NT5DC3: variants seen among roughly 807,000 people sequenced by gnomAD.
NT5DC3 encodes the protein 5'-nucleotidase domain-containing protein 3.
NT5DC3 carries 42 observed loss-of-function variants against 67.8 expected under a neutral mutation model. The ratio of observed to expected loss-of-function variants is 0.62; its 90% CI spans 0.48 to 0.80. The LOEUF (loss-of-function observed/expected upper bound fraction) is 0.80. NT5DC3 is among the 30% of genes least tolerant of loss of function. The probability of loss-of-function intolerance (pLI) is 0.00; values close to 1 mark genes in which losing one functional copy is unlikely to be tolerated. For synonymous variants in NT5DC3, 237 were observed against 255.6 expected, an observed-to-expected ratio of 0.93 and a Z score of 0.69; for missense variants, 570 against 696.4, an observed-to-expected ratio of 0.82 and a Z score of 2.04.
intron 1 of NT5DC3, among the ~76,000 whole-genome samples, chr12:103,830,131 T>C (rs1278660490): frequency 6.6e-6 from 1 of 152,228 alleles, no homozygotes; most frequent in Non-Finnish European, 1.5e-5. Flanking sequence ...ATACATTTAC[T>C]CATTTAAACC....
chr12:103,806,867 A>T lies in NT5DC3; in HGVS notation c.456T>A (p.Tyr152Ter). The change falls in exon 3 of 14, where the codon TAT (tyrosine) becomes TAA (stop). Residue 152 changes from tyrosine to a stop codon, truncating the protein, a stop_gained. Transcript: ENST00000392876. LOFTEE classifies it high-confidence loss of function. The part of the protein sequence containing the change: ...DPNFAIRGLH[Y>*]DVQRAVLMKI... ...GAAGTAAACCTACCCGCTGTACATC[A>T]TAATGAAGTCCACGAATTGCAAAAT... The T allele has an allele frequency of 1.3e-6, 2 of 1,598,584 alleles. No homozygotes were observed. Among genetic ancestry groups the T allele is most frequent in the South Asian group, 1.1e-5 (1 of 90,722 alleles).
downstream of NT5DC3, chr12:103,766,295 G>A (rs1566090314): frequency 6.2e-7 from 1 of 1,614,138 alleles, no homozygotes; most frequent in South Asian, 1.1e-5. Context: ...GGACTCTGAA[G>A]AACGGCAGCT....
the NT5DC3 span, chr12:103,758,076 T>C: frequency 6.4e-7 from 1 of 1,562,446 alleles, no homozygotes; most frequent in South Asian, 1.2e-5. Flanking sequence ...ACCATGAATA[T>C]TCACAGATGG....
intron 12 of NT5DC3, among the ~76,000 whole-genome samples, chr12:103,785,008 C>G (rs1017941094): frequency 1.3e-5 from 2 of 152,120 alleles, no homozygotes; most frequent in Non-Finnish European, 2.9e-5. Flanking sequence ...AGAAGTCCCA[C>G]CGTAGCAGGT....
intron 1 of NT5DC3, among the ~76,000 whole-genome samples, chr12:103,827,018 C>T (rs1159973278): frequency 1.3e-5 from 2 of 152,166 alleles, no homozygotes; most frequent in African/African-American, 4.8e-5. Flanking sequence ...CCAAGGTAGG[C>T]GGATCACCTG....
At chr12:103,757,028 TA>T in the NT5DC3 span, among the ~76,000 whole-genome samples, 1 of 143,508 alleles carries the variant, frequency 7.0e-6, no homozygotes, top group Non-Finnish European at 1.5e-5. Flanking sequence ...TATATATATA[TA>T]TAAAATATAT....
At chr12:103,770,022 G>A (rs1433579357), downstream of NT5DC3, among the ~76,000 whole-genome samples, 3 of 152,200 alleles carry the variant, frequency 2.0e-5, no homozygotes, top group African/African-American at 2.4e-5. Context: ...GTGCAGCCAC[G>A]AGGCAGTTTC....
rs776355377 is a variant in NT5DC3 at position 103,814,987 on chromosome 12, G to A, written c.343C>T (p.His115Tyr). The A allele has an allele frequency of 1.2e-6, 2 of 1,613,590 alleles. No homozygotes were observed. Among genetic ancestry groups the A allele is most frequent in the Non-Finnish European group, 1.7e-6 (2 of 1,179,714 alleles). ...CGTGCAGCATTAAATATCAGCGTGT[G>A]GAGGTGCTTTGAATAAAACACCAAG... ...YTLVFYSKHL[H>Y]TLIFNAARDL... The change falls in exon 2 of 14, where the codon CAC becomes TAC. Residue 115 changes from histidine to tyrosine, a missense_variant. By Grantham distance (83) the His-to-Tyr change is moderately conservative. This residue lies in a region of NT5DC3 where 466 missense variants were observed against 608.0 expected (regional missense o/e 0.77). Coordinates refer to ENST00000392876, the MANE Select transcript of NT5DC3 (RefSeq NM_001031701.3).
chr12:103,799,863 C>T (rs1040849768), intron 4 of NT5DC3, among the ~76,000 whole-genome samples: 3 of 151,684 alleles, frequency 2.0e-5, no homozygotes, highest in Non-Finnish European at 4.4e-5. Context: ...CTTCTGCCAC[C>T]AGTGACTACA....
chr12:103,748,846 C>G, the NT5DC3 span: 1 of 1,074,774 alleles, frequency 9.3e-7, no homozygotes, highest in Non-Finnish European at 1.3e-6. Flanking sequence ...AGCACGAACA[C>G]GCAGGGGCCC....
intron 4 of NT5DC3, among the ~76,000 whole-genome samples, chr12:103,801,825 TA>T (rs1260671757): frequency 6.6e-6 from 1 of 152,200 alleles, no homozygotes; most frequent in Non-Finnish European, 1.5e-5. Context: ...CTCAGTGGAC[TA>T]AACCCCGTGA....
downstream of NT5DC3, chr12:103,766,473 TG>T (rs1053125712): frequency 4.9e-6 from 5 of 1,013,288 alleles, no homozygotes; most frequent in Non-Finnish European, 7.1e-6. Flanking sequence ...CTGGCTGATC[TG>T]GGGGTTGTTT....
At chr12:103,778,181 AAT>A in intron 13 of NT5DC3, 100 bp from the exon 14 acceptor site, 1 of 1,279,262 alleles carries the variant, frequency 7.8e-7, no homozygotes, top group Non-Finnish European at 1.1e-6. Context: ...AAAAAAAAAA[AAT>A]AGGACTCATT....
At chr12:103,826,991 C>T (rs1887723643) in intron 1 of NT5DC3, among the ~76,000 whole-genome samples, 1 of 152,182 alleles carries the variant, frequency 6.6e-6, no homozygotes, top group African/African-American at 2.4e-5. Context: ...TGCCTGTAAT[C>T]CCAGCACTTT....
At chr12:103,766,526 TTCC>T, downstream of NT5DC3, 1 of 611,898 alleles carries the variant, frequency 1.6e-6, no homozygotes, top group East Asian at 2.9e-5. Flanking sequence ...CCAGTACAGC[TTCC>T]TCCTCTGACC....
downstream of NT5DC3, among the ~76,000 whole-genome samples, chr12:103,768,634 T>TGA (rs58287606): frequency 4.0e-3 from 99 of 24,894 alleles, no homozygotes; most frequent in East Asian, 9.0e-3. Flanking sequence ...GGAGAGGGAG[T>TGA]GAGAGAGAGA....
intron 1 of NT5DC3, among the ~76,000 whole-genome samples, chr12:103,825,079 C>A (rs573579966): frequency 2.0e-5 from 3 of 152,260 alleles, no homozygotes; most frequent in African/African-American, 7.2e-5. Flanking sequence ...GGGCATGCCC[C>A]CCCGGGAAGA....
chr12:103,799,309 T>C (rs1371718527), intron 4 of NT5DC3, among the ~76,000 whole-genome samples: 1 of 152,218 alleles, frequency 6.6e-6, no homozygotes, highest in East Asian at 1.9e-4. Flanking sequence ...CATCTTGAAT[T>C]GTAGCTCCTA....
the NT5DC3 span, chr12:103,758,208 T>C: frequency 1.9e-6 from 3 of 1,614,122 alleles, no homozygotes; most frequent in Non-Finnish European, 8.5e-7. Flanking sequence ...CTCGAGGCCG[T>C]GCATTTCTAG....
Sources: gnomAD v4.1 joint callset for allele counts (sites outside exome capture counted in the v4.1 genomes callset) on GRCh38, gnomAD v4.1.1 for gene constraint, gnomAD v4.1.1 regional missense constraint, MANE v1.5 for transcripts, NCBI Gene and HGNC (gene_info 2026-07-23, HGNC 2026-07-21) for gene names.